LPP: variants seen among roughly 807,000 people sequenced by gnomAD.
The protein encoded by LPP is lipoma-preferred partner.
A neutral mutation model predicts 60.4 loss-of-function variants in LPP; 38 were observed. That is an observed-to-expected ratio of 0.63 (90% CI 0.49 to 0.83). LPP has a LOEUF of 0.83. Ranked by LOEUF, LPP falls within the 40% of genes least tolerant of loss-of-function variation. LPP has a pLI of 0.00. For missense variants in LPP, 902 were observed against 783.6 expected, an observed-to-expected ratio of 1.15 and a Z score of -1.80; for synonymous variants, 328 against 290.8, an observed-to-expected ratio of 1.13 and a Z score of -1.30.
At chr3:188,452,148 A>G (rs1217228308) in intron 4 of LPP, among the ~76,000 whole-genome samples, 1 of 152,204 alleles carries the variant, frequency 6.6e-6, no homozygotes, top group Non-Finnish European at 1.5e-5. Context: ...AAGAGGGGCC[A>G]GTAGAACTAA....
At chr3:188,632,879 C>T (rs1848094175) in intron 7 of LPP, among the ~76,000 whole-genome samples, 1 of 152,172 alleles carries the variant, frequency 6.6e-6, no homozygotes, top group Admixed American at 6.5e-5. Flanking sequence ...TTTCTCATCC[C>T]CCATTTCCTG....
chr3:188,561,914 TC>T (rs143669749), intron 6 of LPP, among the ~76,000 whole-genome samples: 2,668 of 152,140 alleles, frequency 0.018, 43 homozygotes, highest in Middle Eastern at 0.031. Context: ...AAGTGCACTT[TC>T]TAATGAGAAC....
chr3:188,497,647 G>A (rs538647630), intron 5 of LPP, among the ~76,000 whole-genome samples: 35 of 152,312 alleles, frequency 2.3e-4, no homozygotes, highest in African/African-American at 7.7e-4. Flanking sequence ...GCCAGCTAGA[G>A]TTAGGTATTT....
rs1553817761 is a variant in LPP at position 188,731,516 on chromosome 3, T to TTTTTTGTTTTGTTTTGTTTTG, written c.1240+23127_1240+23128insTGTTTTGTTTTGTTTTGTTTT. 8.9e-5 allele frequency among the ~76,000 whole-genome samples: 13 copies of TTTTTTGTTTTGTTTTGTTTTG among 145,700 alleles called. 1 individual carries two copies. The highest frequency in any genetic ancestry group is 2.8e-4 in the African/African-American group (11 of 39,112). On this transcript the variant is annotated intron_variant, in intron 8 of 11. Coordinates refer to ENST00000617246, the MANE Select transcript of LPP (RefSeq NM_001375462.1). ...TGTCTAATCTTTTATTTTTTTGTTT[T>TTTTTTGTTTTGTTTTGTTTTG]TTTTGTTTTGTTTTGTTTTGTTTTG...
intron 8 of LPP, among the ~76,000 whole-genome samples, chr3:188,722,062 GT>G (rs1171819064): frequency 2.6e-5 from 4 of 152,132 alleles, no homozygotes; most frequent in Admixed American, 6.6e-5. Flanking sequence ...CTGGAGAATT[GT>G]AAACAAACCC....
intron 4 of LPP, among the ~76,000 whole-genome samples, chr3:188,414,719 C>T (rs1785726446): frequency 6.6e-6 from 1 of 152,068 alleles, no homozygotes; most frequent in South Asian, 2.1e-4. Flanking sequence ...GTTCTTTGCC[C>T]AGGAGTGCTG....
At chr3:188,425,296 G>T (rs976648762) in intron 4 of LPP, among the ~76,000 whole-genome samples, 1 of 152,062 alleles carries the variant, frequency 6.6e-6, no homozygotes, top group Admixed American at 6.6e-5. Context: ...GGATGAAGCT[G>T]ACTTTTTCAT....
intron 4 of LPP, among the ~76,000 whole-genome samples, chr3:188,433,599 T>TGAGAGAGAGA (rs59204304): frequency 4.4e-4 from 60 of 137,556 alleles, no homozygotes; most frequent in African/African-American, 1.5e-3. Context: ...AGACAGAAAG[T>TGAGAGAGAGA]GAGAGAGAGA....
chr3:188,319,212 G>A (rs1039348285), intron 2 of LPP, among the ~76,000 whole-genome samples: 3 of 152,134 alleles, frequency 2.0e-5, no homozygotes, highest in Admixed American at 6.5e-5. Flanking sequence ...AACACACACT[G>A]GAACAGACTT....
At chr3:188,603,349 G>A (rs1580319149) in intron 6 of LPP, among the ~76,000 whole-genome samples, 1 of 33,334 alleles carries the variant, frequency 3.0e-5, no homozygotes, top group Non-Finnish European at 9.5e-5. Flanking sequence ...AGAATTTTGT[G>A]GTTTTTTTTT....
intron 1 of LPP, among the ~76,000 whole-genome samples, chr3:188,208,791 G>A (rs1733963821): frequency 6.6e-6 from 1 of 152,232 alleles, no homozygotes; most frequent in African/African-American, 2.4e-5. Context: ...AACTGCAAGA[G>A]TGAGCAGCAT....
intron 4 of LPP, among the ~76,000 whole-genome samples, chr3:188,410,008 A>G (rs1784523885): frequency 6.6e-6 from 1 of 152,148 alleles, no homozygotes; most frequent in African/African-American, 2.4e-5. Context: ...ACCCTCATGC[A>G]TTGCCTACAA....
intron 3 of LPP, among the ~76,000 whole-genome samples, chr3:188,371,265 A>G (rs1560310387): frequency 6.6e-6 from 1 of 151,894 alleles, no homozygotes; most frequent in Non-Finnish European, 1.5e-5. Flanking sequence ...TCATTAATTC[A>G]TTTATTTATA....
At chr3:188,482,077 A>C (rs1804934771) in intron 4 of LPP, among the ~76,000 whole-genome samples, 1 of 152,118 alleles carries the variant, frequency 6.6e-6, no homozygotes, top group Admixed American at 6.5e-5. Flanking sequence ...CTGATGGTTT[A>C]AACTTATATG....
intron 3 of LPP, among the ~76,000 whole-genome samples, chr3:188,377,200 C>T (rs1243614179): frequency 2.0e-5 from 3 of 152,130 alleles, no homozygotes; most frequent in Non-Finnish European, 2.9e-5. Flanking sequence ...TTGCTCTTCT[C>T]GAGGAGTATC....
At chr3:188,760,664 A>G (rs1320515745) in intron 9 of LPP, among the ~76,000 whole-genome samples, 1 of 152,104 alleles carries the variant, frequency 6.6e-6, no homozygotes, top group Non-Finnish European at 1.5e-5. Context: ...ATCTCACCCT[A>G]CATTTGAAGT....
At chr3:188,414,332 G>T (rs2148957617) in intron 4 of LPP, among the ~76,000 whole-genome samples, 1 of 152,186 alleles carries the variant, frequency 6.6e-6, no homozygotes, top group African/African-American at 2.4e-5. Flanking sequence ...ATGCTCAAAG[G>T]AAATGCTCAC....
At chr3:188,676,083 A>G (rs1438375175) in intron 7 of LPP, among the ~76,000 whole-genome samples, 1 of 152,162 alleles carries the variant, frequency 6.6e-6, no homozygotes, top group African/African-American at 2.4e-5. Flanking sequence ...ATAGATAAAA[A>G]GATTTTTAAG....
At chr3:188,706,672 C>T (rs1044774734) in intron 7 of LPP, among the ~76,000 whole-genome samples, 4 of 152,178 alleles carry the variant, frequency 2.6e-5, no homozygotes, top group Admixed American at 1.3e-4. Flanking sequence ...GAGATTTGTA[C>T]TTTACAGGAT....
Sources: gnomAD v4.1 joint callset for allele counts (sites outside exome capture counted in the v4.1 genomes callset) on GRCh38, gnomAD v4.1.1 for gene constraint, MANE v1.5 for transcripts, NCBI Gene and HGNC (gene_info 2026-07-23, HGNC 2026-07-21) for gene names.